The following UNC80 variants were observed in gnomAD, a reference collection of about 807,000 sequenced individuals.
UNC80 encodes protein unc-80 homolog.
UNC80 carries 164 observed loss-of-function variants against 384.6 expected under a neutral mutation model. The ratio of observed to expected loss-of-function variants is 0.43; its 90% CI spans 0.38 to 0.49. UNC80 has a LOEUF of 0.49. Among genes scored for constraint, UNC80 ranks in the 20% least tolerant of loss-of-function variants. The probability of loss-of-function intolerance (pLI) is 0.00; values close to 1 mark genes in which losing one functional copy is unlikely to be tolerated. For synonymous variants in UNC80, 1,486 were observed against 1,527.8 expected (o/e 0.97, Z 0.64); for missense variants, 3,330 against 4,143.0 (o/e 0.80, Z 5.39).
intron 18 of UNC80, among the ~76,000 whole-genome samples, chr2:209,838,893 G>A (rs1352695533): frequency 6.6e-6 from 1 of 152,112 alleles, no homozygotes. Context: ...CCTGGGAGGC[G>A]GAGGTTGCAG....
At chr2:209,988,616 G>A (rs2093336229) in intron 61 of UNC80, among the ~76,000 whole-genome samples, 1 of 152,104 alleles carries the variant, frequency 6.6e-6, no homozygotes, top group Non-Finnish European at 1.5e-5. Context: ...ATTAGGAGAT[G>A]CATACATATT....
intron 61 of UNC80, among the ~76,000 whole-genome samples, chr2:209,987,532 T>C (rs1317876911): frequency 6.6e-6 from 1 of 152,204 alleles, no homozygotes; most frequent in Non-Finnish European, 1.5e-5. Context: ...CACATATCCA[T>C]GGACATGTTT....
chr2:209,807,469 A>G (rs995628814), intron 7 of UNC80, among the ~76,000 whole-genome samples: 22 of 147,056 alleles, frequency 1.5e-4, no homozygotes, highest in Admixed American at 1.1e-3. Context: ...GGTTCACGCC[A>G]TTCTTCTGCC....
intron 47 of UNC80, 63 bp from the exon 48 acceptor site, chr2:209,954,037 T>C (rs1032188946): frequency 1.3e-6 from 2 of 1,490,924 alleles, no homozygotes; most frequent in African/African-American, 2.8e-5. Context: ...TGCTCTTAAG[T>C]GTGACACAAC....
intron 29 of UNC80, among the ~76,000 whole-genome samples, chr2:209,908,003 C>T (rs2088461692): frequency 1.3e-5 from 2 of 151,832 alleles, no homozygotes; most frequent in South Asian, 4.1e-4. Flanking sequence ...TGTAATTAGT[C>T]ATTCAGGTAG....
At chr2:209,772,269 C>A (rs961460141) in intron 1 of UNC80, 105 bp downstream of exon 1, 93 of 440,382 alleles carry the variant, frequency 2.1e-4, no homozygotes, top group Admixed American at 1.2e-3. Flanking sequence ...GCGCCACAGC[C>A]TGCAGCTCCC....
At chr2:209,920,362 C>T (rs1211801171) in intron 33 of UNC80, among the ~76,000 whole-genome samples, 1 of 152,166 alleles carries the variant, frequency 6.6e-6, no homozygotes, top group Non-Finnish European at 1.5e-5. Context: ...TGCCATTGTG[C>T]ATAAACATTA....
At chr2:209,816,610 T>C (rs1191826522) in intron 9 of UNC80, among the ~76,000 whole-genome samples, 1 of 152,226 alleles carries the variant, frequency 6.6e-6, no homozygotes, top group African/African-American at 2.4e-5. Flanking sequence ...AGAATTTGCA[T>C]TTCTAATAAG....
intron 38 of UNC80, among the ~76,000 whole-genome samples, chr2:209,932,403 G>C (rs1330580241): frequency 4.6e-5 from 7 of 152,130 alleles, no homozygotes; most frequent in Non-Finnish European, 8.8e-5. Flanking sequence ...CTCAGTTTAG[G>C]TGTGTGCCCT....
chr2:209,989,026 A>T (rs1018741275), intron 61 of UNC80, among the ~76,000 whole-genome samples: 7 of 152,140 alleles, frequency 4.6e-5, no homozygotes, highest in Admixed American at 4.6e-4. Flanking sequence ...AATTTTAGGA[A>T]ACCTGACTGG....
At chr2:209,890,208 T>G (rs753844289) in intron 26 of UNC80, among the ~76,000 whole-genome samples, 6 of 152,244 alleles carry the variant, frequency 3.9e-5, no homozygotes, top group Admixed American at 1.3e-4. Context: ...TCTATGTTTC[T>G]ATGTGTGATA....
In UNC80 at chr2:209,905,109, C is replaced by G. The variant is rs1242920614; in HGVS notation, c.4782+144C>G. Reference sequence around the variant, plus strand: ...TCTAAACATAAGCAGAAGAGATGTACAAGAAAGACAAATGTTTTGTCTTTC... The same window carrying G: ...TCTAAACATAAGCAGAAGAGATGTAGAAGAAAGACAAATGTTTTGTCTTTC... On this transcript the variant is annotated intron_variant, in intron 29 of 64. Transcript: ENST00000673920. The G allele has an allele frequency of 8.6e-6, 7 of 811,374 alleles. No individual in the cohort carries two copies. In the African/African-American group the frequency reaches 1.0e-4, roughly 12 times the overall value. The allele number at this position is 811,374 out of a possible 1,614,324, so 50.3% of individuals were successfully genotyped here. A position where few individuals can be genotyped will look rare whatever the true frequency, so the allele number is the denominator to read the frequency against.
intron 16 of UNC80, 25 bp downstream of exon 16, chr2:209,831,616 C>G: frequency 6.6e-7 from 1 of 1,506,294 alleles, no homozygotes; most frequent in Non-Finnish European, 8.9e-7. Flanking sequence ...TCTCTTCCCA[C>G]AGGAGCTCTC....
At position 209,967,474 on chromosome 2, in the gene UNC80, C is replaced by A. The variant is rs761114022; in HGVS notation, c.7843C>A (p.Pro2615Thr). 1 of 1,551,428 alleles carries A rather than the reference C, an allele frequency of 6.4e-7. No homozygotes were observed. The highest frequency in any genetic ancestry group is 1.2e-5 in the South Asian group (1 of 84,044). ...EIAHSLLKLA[P>T]YDTQTMESRG... ...TGCACACTCCCTTCTGAAGCTGGCACCATATGACACTCAGACAATGGAGAG... is the reference window on the plus strand; with the variant it reads ...TGCACACTCCCTTCTGAAGCTGGCAACATATGACACTCAGACAATGGAGAG... The change falls in exon 52 of 65, where the codon CCA (proline) becomes ACA (threonine). Residue 2615 changes from proline (P) to threonine (T), a missense_variant. Pro to Thr is a conservative substitution (Grantham distance 38). Transcript: ENST00000673920.
At chr2:209,828,710 C>G (rs2080731477) in intron 14 of UNC80, among the ~76,000 whole-genome samples, 1 of 152,168 alleles carries the variant, frequency 6.6e-6, no homozygotes, top group Non-Finnish European at 1.5e-5. Context: ...GGCCCTCACT[C>G]AGCCACCCCT....
rs774153512 is a variant in UNC80 at position 209,831,501 on chromosome 2, T to C, written c.2685T>C (p.Asn895=). ...TTVDNKSTAQ[N]VEGIIVSAMF... is the part of the protein sequence containing the mutation. ...TGGACAACAAATCCACAGCCCAAAA[T>C]GTGGAAGGCATTATCGTCAGCGCCA... Residue 895 remains asparagine (N), a synonymous_variant, in exon 16 of 65, where the codon AAT becomes AAC. Coordinates refer to ENST00000673920, the MANE Select transcript of UNC80 (RefSeq NM_001371986.1). 5.0e-5 allele frequency: 77 copies of C among 1,551,252 alleles called. No individual in the cohort carries two copies. Among genetic ancestry groups the C allele is most frequent in the Non-Finnish European group, 6.4e-5 (73 of 1,146,832 alleles).
intron 4 of UNC80, among the ~76,000 whole-genome samples, chr2:209,778,900 C>T (rs1410970759): frequency 6.6e-6 from 1 of 152,150 alleles, no homozygotes; most frequent in African/African-American, 2.4e-5. Flanking sequence ...ATGAAGGGAA[C>T]AGACTAGTGA....
At chr2:209,903,400 A>G (rs58632078) in intron 28 of UNC80, among the ~76,000 whole-genome samples, 2 of 121,142 alleles carry the variant, frequency 1.7e-5, no homozygotes, top group Non-Finnish European at 3.3e-5. Context: ...ATTTATATAT[A>G]TATTATATAT....
chr2:209,920,111 A>T (rs1026466513), intron 33 of UNC80, among the ~76,000 whole-genome samples: 1 of 152,108 alleles, frequency 6.6e-6, no homozygotes, highest in East Asian at 1.9e-4. Flanking sequence ...GGAGGTTGCA[A>T]TGAGCTGAGA....
Sources: allele counts gnomAD v4.1 joint callset (sites outside exome capture counted in the v4.1 genomes callset), GRCh38; gene constraint gnomAD v4.1.1; transcripts MANE v1.5; gene names NCBI Gene and HGNC (gene_info 2026-07-23, HGNC 2026-07-21).